PAX2: variants seen among roughly 807,000 people sequenced by gnomAD.
PAX2 encodes paired box protein Pax-2.
Under a neutral mutation model 41.7 loss-of-function variants are expected in PAX2, and 9 were observed. The observed-to-expected ratio is 0.22, with a 90% CI of 0.13 to 0.38. The LOEUF (loss-of-function observed/expected upper bound fraction) is 0.38, where lower values mean the gene tolerates loss of function less well. Ranked by LOEUF, PAX2 falls within the 10% of genes least tolerant of loss-of-function variation. The pLI is 1.00. For synonymous variants in PAX2, 221 were observed against 212.7 expected, an observed-to-expected ratio of 1.04 and a Z score of -0.34; for missense variants, 418 against 531.6, an observed-to-expected ratio of 0.79 and a Z score of 2.10.
chr10:100,750,958 C>A lies in PAX2; in HGVS notation c.410+67C>A. 8.5e-7 allele frequency: 1 copy of A among 1,180,504 alleles called. No homozygotes were observed. Among genetic ancestry groups the A allele is most frequent in the South Asian group, 1.2e-5 (1 of 82,396 alleles). 73.1% of individuals were successfully genotyped at this position (1,180,504 alleles called of 1,614,324 possible). ...CTGGCTCCTGCCTGCAGGGGTGTCC[C>A]ACGCCCAGTCTCTGCTCTTTGTCCA... On this transcript the variant is annotated intron_variant, in intron 3 of 9. Transcript: ENST00000355243. This position sits in a 1 kb window ranked among gnomAD's most constrained non-coding sequence, Gnocchi z 4.1.
chr10:100,744,038 C>T (rs752310847), upstream of PAX2, among the ~76,000 whole-genome samples: 21 of 152,232 alleles, frequency 1.4e-4, no homozygotes, highest in African/African-American at 1.9e-4. Context: ...CCTCGTCCCG[C>T]TGAGCCTGGC....
At chr10:100,803,566 C>T (rs1054620852) in intron 5 of PAX2, among the ~76,000 whole-genome samples, 2 of 152,138 alleles carry the variant, frequency 1.3e-5, no homozygotes, top group Admixed American at 1.3e-4. Context: ...TGCGGCTCAC[C>T]TCCCTGCACC....
chr10:100,784,782 A>C (rs1050764090), intron 5 of PAX2, among the ~76,000 whole-genome samples: 5 of 152,168 alleles, frequency 3.3e-5, no homozygotes, highest in Non-Finnish European at 7.4e-5. Context: ...TTAGGAAAGG[A>C]CTGATCAGCT....
In PAX2 at chr10:100,829,261, C is replaced by CCTCTGT. The variant is rs1029343440; in HGVS notation, c.*1653_*1658dup. On this transcript the variant is annotated 3_prime_UTR_variant, in exon 10 of 10. Coordinates refer to ENST00000355243, the MANE Select transcript of PAX2 (RefSeq NM_000278.5). ...CCTCTCTCCTCTCCGCTTCTCTCCC[C>CCTCTGT]CTCTGTCTCTGTCTCTCTCCGTCTC... 2 of 231,226 alleles carry CCTCTGT rather than the reference C, an allele frequency of 8.6e-6. No individual in the cohort carries two copies. The highest frequency in any genetic ancestry group is 4.4e-5 in the African/African-American group (2 of 45,142). The allele number at this position is 231,226 out of a possible 1,614,324, so 14.3% of individuals were successfully genotyped here.
At chr10:100,742,000 G>T (rs1465427789), upstream of PAX2, among the ~76,000 whole-genome samples, 1 of 152,196 alleles carries the variant, frequency 6.6e-6, no homozygotes. Context: ...GAGGGGCGCG[G>T]CTGGGATGCT....
chr10:100,799,360 T>A (rs1313676249), intron 5 of PAX2, among the ~76,000 whole-genome samples: 1 of 152,260 alleles, frequency 6.6e-6, no homozygotes, highest in East Asian at 1.9e-4. Context: ...TGCACATATT[T>A]TGAACTCTCC....
upstream of PAX2, among the ~76,000 whole-genome samples, chr10:100,741,461 A>C (rs1362427448): frequency 9.3e-6 from 1 of 107,226 alleles, no homozygotes; most frequent in Non-Finnish European, 1.9e-5. Flanking sequence ...AGGGCCAGGC[A>C]GGGGGAAGGG....
rs568213507 is a variant in PAX2, at chr10:100,749,371, C to T, written c.44-375C>T. The T allele has an allele frequency of 5.6e-6, 6 of 1,063,510 alleles. No individual in the cohort carries two copies. The East Asian group carries it at 3.6e-4, about 63-fold the overall frequency. The allele number at this position is 1,063,510 out of a possible 1,614,324, so 65.9% of individuals were successfully genotyped here. A position where few individuals can be genotyped will look rare whatever the true frequency, so the allele number is the denominator to read the frequency against. Reference sequence around the variant, plus strand: ...GGCGGGATGCTGCTTCGCACTAGTCCAGTCCTCTGCCAGGCCCTTCCTCTC... The same window carrying T: ...GGCGGGATGCTGCTTCGCACTAGTCTAGTCCTCTGCCAGGCCCTTCCTCTC... On this transcript the variant is annotated intron_variant, in intron 1 of 9. Coordinates refer to ENST00000355243, the MANE Select transcript of PAX2 (RefSeq NM_000278.5).
chr10:100,784,373 G>A (rs976585816), intron 5 of PAX2, among the ~76,000 whole-genome samples: 73 of 152,280 alleles, frequency 4.8e-4, no homozygotes, highest in African/African-American at 1.6e-3. Context: ...GACTGAGCAC[G>A]CACATTAAAG....
chr10:100,827,939 C>A lies in PAX2; in HGVS notation c.*320C>A. On this transcript the variant is annotated 3_prime_UTR_variant, in exon 10 of 10. Transcript: ENST00000355243. This position sits in a 1 kb window ranked among gnomAD's most constrained non-coding sequence, Gnocchi z 8.5. ...CCAGCTCGTCCCGGCCTCCACCAAG[C>A]CAGCCCCGAAGCCCGCCAGCCACCC... 2.9e-6 allele frequency: 1 copy of A among 345,934 alleles called. No homozygotes were observed. Among genetic ancestry groups the A allele is most frequent in the Admixed American group, 5.2e-5 (1 of 19,388 alleles). The allele number at this position is 345,934 out of a possible 1,614,324, so 21.4% of individuals were successfully genotyped here. A position where few individuals can be genotyped will look rare whatever the true frequency, so the allele number is the denominator to read the frequency against.
At chr10:100,783,060 C>T (rs1473006150) in intron 5 of PAX2, among the ~76,000 whole-genome samples, 1 of 152,218 alleles carries the variant, frequency 6.6e-6, no homozygotes, top group Non-Finnish European at 1.5e-5. Context: ...GCTGCATGGG[C>T]TCCTGTGGGG....
chr10:100,797,894 G>A (rs200993404), intron 5 of PAX2, among the ~76,000 whole-genome samples: 18 of 152,050 alleles, frequency 1.2e-4, no homozygotes, highest in Non-Finnish European at 2.4e-4. Flanking sequence ...CCTAGAGGCC[G>A]GTGGGTGTGA....
At chr10:100,751,865 G>C (rs533340937) in intron 3 of PAX2, among the ~76,000 whole-genome samples, 357 of 152,240 alleles carry the variant, frequency 2.3e-3, no homozygotes, top group Non-Finnish European at 4.3e-3. Flanking sequence ...TCACACACCA[G>C]CCTTGGCCCC....
intron 5 of PAX2, among the ~76,000 whole-genome samples, chr10:100,786,138 G>C (rs1437107738): frequency 6.6e-6 from 1 of 152,200 alleles, no homozygotes; most frequent in Non-Finnish European, 1.5e-5. Flanking sequence ...CCTAACCTTG[G>C]TGCAGCTCCT....
chr10:100,782,444 G>C (rs1234588049), intron 5 of PAX2, among the ~76,000 whole-genome samples: 1 of 152,254 alleles, frequency 6.6e-6, no homozygotes, highest in Non-Finnish European at 1.5e-5. Context: ...CCCTCGGTAG[G>C]GGAAGCCTAA....
At chr10:100,806,319 G>A (rs1354596337) in intron 5 of PAX2, 111 bp from the exon 6 acceptor site, 4 of 1,101,250 alleles carry the variant, frequency 3.6e-6, no homozygotes, top group Non-Finnish European at 2.8e-6. Context: ...GGGTCCCATA[G>A]GGGTGCAGAG....
At chr10:100,800,409 G>C (rs1325951268) in intron 5 of PAX2, among the ~76,000 whole-genome samples, 2 of 151,348 alleles carry the variant, frequency 1.3e-5, no homozygotes, top group African/African-American at 4.9e-5. Context: ...CTCCTGAGTA[G>C]CTGAGCCACA....
Position 100,783,147 on chromosome 10 carries a change from G to A in PAX2, c.616+1782G>A, listed in dbSNP as rs552612556. On this transcript the variant is annotated intron_variant, in intron 5 of 9. Coordinates refer to ENST00000355243, the MANE Select transcript of PAX2 (RefSeq NM_000278.5). Reference sequence around the variant, plus strand: ...GGCTGCGCCTGGCTGGCCCAGAACAGGGCGCTCTCCTGAGTGGTTGATCGC... The same window carrying A: ...GGCTGCGCCTGGCTGGCCCAGAACAAGGCGCTCTCCTGAGTGGTTGATCGC... Among the ~76,000 whole-genome samples the A allele has an allele frequency of 1.8e-4, 27 of 152,364 alleles. No homozygotes were observed. The South Asian group carries it at 5.4e-3, about 30-fold the overall frequency.
rs558349934 is a variant in PAX2, at chr10:100,751,139, C to T, written c.410+248C>T. Among the ~76,000 whole-genome samples, 4 of 152,308 alleles carry T rather than the reference C, an allele frequency of 2.6e-5. No homozygotes were observed. The East Asian group carries it at 7.7e-4, about 29-fold the overall frequency. On this transcript the variant is annotated intron_variant, in intron 3 of 9. Transcript: ENST00000355243. ...TCCCGCCGGCGTCCTGGAAATGAAT[C>T]CAAGTGTTTGTGGTAATTAAGACTC...
Sources: gnomAD v4.1 joint callset for allele counts (sites outside exome capture counted in the v4.1 genomes callset) on GRCh38, gnomAD v4.1.1 for gene constraint, Gnocchi (gnomAD v3.1) non-coding constraint, MANE v1.5 for transcripts, NCBI Gene and HGNC (gene_info 2026-07-23, HGNC 2026-07-21) for gene names.